The following PRDM15 variants were observed in gnomAD, a reference collection of about 807,000 sequenced individuals.
PRDM15 encodes the protein PR domain zinc finger protein 15.
A neutral mutation model predicts 128.6 loss-of-function variants in PRDM15; 64 were observed. The ratio of observed to expected loss-of-function variants is 0.50; its 90% CI spans 0.41 to 0.61. The LOEUF is 0.61. Ranked by LOEUF, PRDM15 falls within the 20% of genes least tolerant of loss-of-function variation. The pLI is 0.00. For synonymous variants in PRDM15, 615 were observed against 621.8 expected (o/e 0.99, Z 0.16); for missense variants, 1,242 against 1,569.1 (o/e 0.79, Z 3.52).
intron 1 of PRDM15, among the ~76,000 whole-genome samples, chr21:41,874,525 A>ATATATATTTTTTTTTTT: frequency 3.5e-4 from 34 of 95,820 alleles, no homozygotes; most frequent in Non-Finnish European, 5.2e-4. Context: ...ATATATATAT[A>ATATATATTTTTTTTTTT]TTTTTTTTTT....
Position 41,839,798 on chromosome 21 carries a change from GC to G in PRDM15, c.695del (p.Ser232ThrfsTer50). ...GCTCCTTCTCGGGAGCTGCTGCCTC[GC>G]TTTGGCTGCCTGGAGGAAGGCTTTT... ...QAKSLPPGSQ[S>X]EAAAPEKEQD... On this transcript the variant is annotated frameshift_variant, in exon 7 of 24. Coordinates refer to ENST00000398548, the MANE Select transcript of PRDM15 (RefSeq NM_001040424.3). LOFTEE classifies it high-confidence loss of function. 1 of 1,614,248 alleles carries G rather than the reference GC, an allele frequency of 6.2e-7. No individual in the cohort carries two copies. The highest frequency in any genetic ancestry group is 8.5e-7 in the Non-Finnish European group (1 of 1,180,058).
intron 11 of PRDM15, among the ~76,000 whole-genome samples, chr21:41,830,054 C>T (rs1601260459): frequency 2.6e-5 from 4 of 151,514 alleles, no homozygotes; most frequent in Admixed American, 2.0e-4. Flanking sequence ...ACAACGTACA[C>T]CCACACATTC....
intron 4 of PRDM15, 152 bp downstream of exon 4, chr21:41,857,024 T>C: frequency 2.9e-6 from 2 of 690,024 alleles, no homozygotes; most frequent in Non-Finnish European, 4.9e-6. Flanking sequence ...AAAGAAACAT[T>C]TTCTTGGAAA....
intron 22 of PRDM15, among the ~76,000 whole-genome samples, chr21:41,804,018 G>T (rs185563184): frequency 3.7e-4 from 54 of 147,288 alleles, no homozygotes; most frequent in African/African-American, 1.3e-3. Flanking sequence ...GGGCTGGAGC[G>T]CAGTGGCACA....
intron 5 of PRDM15, among the ~76,000 whole-genome samples, chr21:41,852,630 G>A (rs1212896251): frequency 2.0e-5 from 3 of 152,248 alleles, no homozygotes; most frequent in Non-Finnish European, 2.9e-5. Context: ...TCTGCGAAGG[G>A]TGCGAAGCCC....
rs148154537 is a variant in PRDM15, at chr21:41,810,108, C to T, written c.2652+46G>A. 2.9e-4 allele frequency: 456 copies of T among 1,567,102 alleles called. 5 individuals are homozygous for T. The East Asian group carries it at 9.2e-3, about 32-fold the overall frequency. ...TGTGCCAGCATGGGGGTGTCCGGTG[C>T]GCGGCCCGCTGGCGGGGCACGGAGG... On this transcript the variant is annotated intron_variant, in intron 21 of 23. Coordinates refer to ENST00000398548, the MANE Select transcript of PRDM15 (RefSeq NM_001040424.3). The surrounding 1 kb of genome is among the most constrained non-coding windows in gnomAD (Gnocchi z 6.4).
intron 22 of PRDM15, 58 bp from the exon 23 acceptor site, chr21:41,802,979 C>T: frequency 7.2e-7 from 1 of 1,394,924 alleles, no homozygotes; most frequent in Non-Finnish European, 1.0e-6. Flanking sequence ...CAGGCAGCGG[C>T]CAGGGCAGCC....
At chr21:41,827,420 G>A (rs1232035788) in intron 12 of PRDM15, among the ~76,000 whole-genome samples, 1 of 152,220 alleles carries the variant, frequency 6.6e-6, no homozygotes, top group East Asian at 1.9e-4. Flanking sequence ...TGCAAGCACA[G>A]CTCACTGCAG....
chr21:41,865,263 C>T (rs1203808558), intron 1 of PRDM15, among the ~76,000 whole-genome samples: 1 of 152,064 alleles, frequency 6.6e-6, no homozygotes, highest in Non-Finnish European at 1.5e-5. Flanking sequence ...TCTCCCTGAT[C>T]CACCTGTCCA....
intron 1 of PRDM15, among the ~76,000 whole-genome samples, chr21:41,866,915 C>T (rs1438897854): frequency 6.6e-6 from 1 of 152,174 alleles, no homozygotes; most frequent in African/African-American, 2.4e-5. Flanking sequence ...AACACCTCCA[C>T]TCCCTGGGGA....
Position 41,802,869 on chromosome 21 carries a change from G to T in PRDM15, c.2786C>A (p.Ala929Asp). Residue 929 changes from alanine to aspartate, a missense_variant, in exon 23 of 24, where the codon GCT (alanine) becomes GAT (aspartate). Around this residue, in one of 3 missense-constraint regions of PRDM15, gnomAD observed 602 missense variants for 788.3 expected, o/e 0.76. Coordinates refer to ENST00000398548, the MANE Select transcript of PRDM15 (RefSeq NM_001040424.3). ...EDLAEGKHGK[A>D]AKRSHKRKQK... is the part of the protein sequence containing the mutation. The stretch of plus-strand genomic sequence containing the variant: ...CTTTCTCTTGTGACTTCGCTTGGCA[G>T]CTTTCCCGTGCTTCCCTTCGGCCAA... The T allele has an allele frequency of 6.2e-7, 1 of 1,614,150 alleles. No homozygotes were observed.
At chr21:41,869,437 C>CCATT in intron 1 of PRDM15, among the ~76,000 whole-genome samples, 1 of 143,408 alleles carries the variant, frequency 7.0e-6, no homozygotes, top group African/African-American at 2.5e-5. Flanking sequence ...ACATCACCGG[C>CCATT]TATTTTTTTT....
rs142220826 is a variant in PRDM15 at position 41,865,322 on chromosome 21, C to T, written c.-9-4950G>A. ...CGCTCTGCGATTTCCTTCACAGCACCGTCACCCGTGTAGCCATGCCTGTGT... is the reference window on the plus strand; with the variant it reads ...CGCTCTGCGATTTCCTTCACAGCACTGTCACCCGTGTAGCCATGCCTGTGT... On this transcript the variant is annotated intron_variant, in intron 1 of 23. Transcript: ENST00000398548. Among the ~76,000 whole-genome samples the T allele has an allele frequency of 4.6e-3, 697 of 152,318 alleles. 5 individuals are homozygous for T. Among genetic ancestry groups the T allele is most frequent in the African/African-American group, 7.1e-3 (293 of 41,560 alleles).
In PRDM15 at chr21:41,815,786, T is replaced by C. The variant is rs1480724132; in HGVS notation, c.2311A>G (p.Ile771Val). The change falls in exon 19 of 24, where the codon ATC becomes GTC. Residue 771 changes from isoleucine (I) to valine (V), a missense_variant. Coordinates refer to ENST00000398548, the MANE Select transcript of PRDM15 (RefSeq NM_001040424.3). ...LRHHMKLHKG[I>V]KEYECKECHR... Reference sequence around the variant, plus strand: ...CACTCCTTGCACTCGTACTCCTTGATGCCCTTGTGCAGCTTCATGTGGTGG... The same window carrying C: ...CACTCCTTGCACTCGTACTCCTTGACGCCCTTGTGCAGCTTCATGTGGTGG... 3 of 1,614,010 alleles carry C rather than the reference T, an allele frequency of 1.9e-6. No individual in the cohort carries two copies. The highest frequency in any genetic ancestry group is 1.1e-5 in the South Asian group (1 of 91,090).
chr21:41,835,991 C>A (rs1204340036), intron 10 of PRDM15, 122 bp downstream of exon 10: 1 of 434,908 alleles, frequency 2.3e-6, no homozygotes, highest in Non-Finnish European at 4.6e-6. Flanking sequence ...CCCTCCCCCA[C>A]AGCCCCCGCC....
intron 19 of PRDM15, chr21:41,812,251 T>G (rs1306622912): frequency 6.6e-6 from 1 of 152,182 alleles, no homozygotes; most frequent in East Asian, 1.9e-4. Context: ...TTGATTGACA[T>G]CAAACTCATA....
chr21:41,823,254 G>A, intron 14 of PRDM15, 64 bp downstream of exon 14: 1 of 1,578,316 alleles, frequency 6.3e-7, no homozygotes, highest in Non-Finnish European at 8.6e-7. Context: ...GGCTGACTGT[G>A]ACAGACGCTG....
chr21:41,868,449 C>T (rs2064091969), intron 1 of PRDM15, among the ~76,000 whole-genome samples: 1 of 152,054 alleles, frequency 6.6e-6, no homozygotes. Flanking sequence ...GCACCTCCCA[C>T]CAGAGACACA....
chr21:41,835,891 T>G lies in PRDM15; in HGVS notation c.1278+222A>C, dbSNP rs377378653. Reference sequence around the variant, plus strand: ...GGGACTCTCCCTTCTCAGGGACACCTGGGCACCCACAGCCCTCGCCCACTC... The same window carrying G: ...GGGACTCTCCCTTCTCAGGGACACCGGGGCACCCACAGCCCTCGCCCACTC... On this transcript the variant is annotated intron_variant, in intron 10 of 23. Transcript: ENST00000398548. Among the ~76,000 whole-genome samples, 19 of 124,614 alleles carry G rather than the reference T, an allele frequency of 1.5e-4. No individual in the cohort carries two copies. In the East Asian group the frequency reaches 4.3e-3, roughly 28 times the overall value. The allele number at this position is 124,614 out of a possible 152,430, so 81.8% of individuals were successfully genotyped here.
Sources: gnomAD v4.1 joint callset for allele counts (sites outside exome capture counted in the v4.1 genomes callset) on GRCh38, gnomAD v4.1.1 for gene constraint, gnomAD v4.1.1 regional missense constraint, Gnocchi (gnomAD v3.1) non-coding constraint, MANE v1.5 for transcripts, NCBI Gene and HGNC (gene_info 2026-07-23, HGNC 2026-07-21) for gene names.